The following LARS1 variants were observed in gnomAD, a reference collection of about 807,000 sequenced individuals.
LARS1 encodes the protein leucyl-tRNA synthetase 1.
LARS1 carries 100 observed loss-of-function variants against 162.8 expected under a neutral mutation model. The observed-to-expected ratio is 0.61, with a 90% CI of 0.52 to 0.73. The LOEUF (loss-of-function observed/expected upper bound fraction) is 0.73. Among genes scored for constraint, LARS1 ranks in the 30% least tolerant of loss-of-function variants. The pLI, the probability that LARS1 is intolerant of heterozygous loss-of-function variation, is 0.00. For synonymous variants in LARS1, 457 were observed against 462.8 expected, an observed-to-expected ratio of 0.99 and a Z score of 0.16; for missense variants, 1,258 against 1,408.9, an observed-to-expected ratio of 0.89 and a Z score of 1.71.
chr5:146,162,332 G>A (rs1753814049), intron 6 of LARS1, among the ~76,000 whole-genome samples: 1 of 152,212 alleles, frequency 6.6e-6, no homozygotes, highest in Non-Finnish European at 1.5e-5. Flanking sequence ...GTGTTTGCAG[G>A]CATAAAAACA....
intron 2 of LARS1, among the ~76,000 whole-genome samples, chr5:146,174,729 G>C (rs551406933): frequency 6.6e-6 from 1 of 151,168 alleles, no homozygotes; most frequent in African/African-American, 2.4e-5. Context: ...TAGCCTCTCT[G>C]TGCCTCAGTT....
intron 3 of LARS1, among the ~76,000 whole-genome samples, chr5:146,172,214 T>C: frequency 6.6e-6 from 1 of 152,116 alleles, no homozygotes; most frequent in Non-Finnish European, 1.5e-5. Flanking sequence ...AAATTAAATA[T>C]AAAAATTAAA....
At chr5:146,169,241 C>G (rs769099358) in intron 4 of LARS1, among the ~76,000 whole-genome samples, 1 of 152,156 alleles carries the variant, frequency 6.6e-6, no homozygotes, top group Non-Finnish European at 1.5e-5. Flanking sequence ...CAAGGTCATA[C>G]AGCTAGCAAA....
chr5:146,129,044 A>G lies in LARS1; in HGVS notation c.2703T>C (p.Tyr901=). 6.2e-7 allele frequency: 1 copy of G among 1,611,578 alleles called. No individual in the cohort carries two copies. The highest frequency in any genetic ancestry group is 8.5e-7 in the Non-Finnish European group (1 of 1,178,118). The stretch of plus-strand genomic sequence containing the variant: ...TAAGGTCATGTGTTACTTCCATAAG[A>G]TACTGTGAGGAGTGTATTAAAACTT... ...VNEVLIHSSQ[Y]LMEVTHDLRL... The change falls in exon 26 of 32, where the codon TAT becomes TAC. Residue 901 remains tyrosine (Y), a synonymous_variant. Transcript: ENST00000394434.
At position 146,157,779 on chromosome 5, in the gene LARS1, T is replaced by A. The variant is rs537516620; in HGVS notation, c.788A>T (p.Glu263Val). Residue 263 changes from glutamate (E) to valine (V), a missense_variant, in exon 9 of 32, where the codon GAA becomes GTA. By Grantham distance (121) the Glu-to-Val change is moderately radical. Coordinates refer to ENST00000394434, the MANE Select transcript of LARS1 (RefSeq NM_020117.11). ...CACCTTCAATTTGAGTAAAGTATAT[T>A]CCTGAGGTCCAACACCCTAAGCAAA... The part of the protein sequence containing the change: ...RQTGEGVGPQ[E>V]YTLLKLKVLE... 5.0e-6 allele frequency: 8 copies of A among 1,614,058 alleles called. No homozygotes were observed. The African/African-American group carries it at 9.3e-5, about 19-fold the overall frequency.
At chr5:146,150,009 C>T (rs2292172) in intron 14 of LARS1, among the ~76,000 whole-genome samples, 33,840 of 152,036 alleles carry the variant, frequency 0.22, 4,822 homozygotes, top group Admixed American at 0.34. Context: ...ACTTCAATTA[C>T]ACTCACTCAC....
At chr5:146,130,923 G>T in intron 24 of LARS1, 96 bp downstream of exon 24, 1 of 584,100 alleles carries the variant, frequency 1.7e-6, no homozygotes. Flanking sequence ...TACACTTTAG[G>T]CGAGTAATTG....
chr5:146,173,839 GC>G (rs1383231835), intron 2 of LARS1, among the ~76,000 whole-genome samples: 1 of 151,638 alleles, frequency 6.6e-6, no homozygotes, highest in Non-Finnish European at 1.5e-5. Flanking sequence ...TGCACACTTG[GC>G]AGCACCCTTA....
intron 4 of LARS1, 33 bp downstream of exon 4, chr5:146,171,877 A>G (rs1273636816): frequency 3.3e-6 from 5 of 1,528,378 alleles, no homozygotes; most frequent in African/African-American, 1.4e-5. Context: ...TCCAACTAAA[A>G]AGAGTAGAAA....
intron 23 of LARS1, chr5:146,132,438 T>C (rs1752327210): frequency 6.5e-6 from 1 of 153,428 alleles, no homozygotes; most frequent in Non-Finnish European, 1.4e-5. Flanking sequence ...ATCTTTATAA[T>C]ACCAGTGCGT....
At position 146,144,691 on chromosome 5, in the gene LARS1, T is replaced by C. The variant is rs1214417428; in HGVS notation, c.1522A>G (p.Met508Val). 4 of 1,613,826 alleles carry C rather than the reference T, an allele frequency of 2.5e-6. No individual in the cohort carries two copies. Among genetic ancestry groups the C allele is most frequent in the African/African-American group, 1.3e-5 (1 of 74,934 alleles). Residue 508 changes from methionine to valine, a missense_variant, in exon 16 of 32, where the codon ATG becomes GTG. Physicochemically the swap from Met to Val is conservative, Grantham distance 21 (BLOSUM62 1). Coordinates refer to ENST00000394434, the MANE Select transcript of LARS1 (RefSeq NM_020117.11). ...GACATCACTTGTTTCTCTGGTTCCA[T>C]GTAAATAAGTGCATCTCCCTAAAGG... The part of the protein sequence containing the change: ...MIDAGDALIY[M>V]EPEKQVMSRS...
chr5:146,129,766 T>G (rs1215065660), intron 25 of LARS1, among the ~76,000 whole-genome samples: 3 of 152,198 alleles, frequency 2.0e-5, no homozygotes, highest in Non-Finnish European at 4.4e-5. Context: ...TAACAATTGT[T>G]TATATCTTTC....
intron 14 of LARS1, 42 bp from the exon 15 acceptor site, chr5:146,149,741 T>TA: frequency 7.1e-7 from 1 of 1,405,686 alleles, no homozygotes; most frequent in South Asian, 1.2e-5. Context: ...ATAAAACAGT[T>TA]AGAATCTGCC....
At chr5:146,125,471 A>T (rs1022911758) in intron 28 of LARS1, among the ~76,000 whole-genome samples, 4 of 152,040 alleles carry the variant, frequency 2.6e-5, no homozygotes, top group African/African-American at 9.7e-5. Context: ...GTAGGCTGGA[A>T]GATACTAATT....
intron 4 of LARS1, among the ~76,000 whole-genome samples, chr5:146,169,234 G>C (rs1754152573): frequency 6.6e-6 from 1 of 152,090 alleles, no homozygotes; most frequent in Non-Finnish European, 1.5e-5. Flanking sequence ...ATTTACCCAA[G>C]GTCATACAGC....
rs184825348 is a variant in LARS1 at position 146,143,162 on chromosome 5, A to G, written c.1878-78T>C. ...TGGAAGAATCAGTACCTGAATCGAAACATGGATTAGGAATCTCTTTCTTAA... is the reference window on the plus strand; with the variant it reads ...TGGAAGAATCAGTACCTGAATCGAAGCATGGATTAGGAATCTCTTTCTTAA... On this transcript the variant is annotated intron_variant, in intron 19 of 31. Coordinates refer to ENST00000394434, the MANE Select transcript of LARS1 (RefSeq NM_020117.11). 3.8e-5 allele frequency: 33 copies of G among 872,342 alleles called. No individual in the cohort carries two copies. In the East Asian group the frequency reaches 8.9e-4, roughly 24 times the overall value. The allele number at this position is 872,342 out of a possible 1,614,324, so 54.0% of individuals were successfully genotyped here.
intron 1 of LARS1, 40 bp downstream of exon 1, chr5:146,182,448 G>T: frequency 6.2e-7 from 1 of 1,613,694 alleles, no homozygotes; most frequent in African/African-American, 1.3e-5. Context: ...TGGCCAGTCC[G>T]GCTCCAGGGC....
chr5:146,165,390 G>T (rs759985943), intron 5 of LARS1, among the ~76,000 whole-genome samples: 16 of 151,766 alleles, frequency 1.1e-4, no homozygotes, highest in Non-Finnish European at 2.1e-4. Flanking sequence ...AATTAGCTGG[G>T]CGTGGTGGCA....
intron 10 of LARS1, 53 bp from the exon 11 acceptor site, chr5:146,154,033 A>T: frequency 1.6e-6 from 2 of 1,258,520 alleles, no homozygotes; most frequent in South Asian, 2.7e-5. Flanking sequence ...TGTGACCATT[A>T]GAATTAAAAC....
Sources: allele counts gnomAD v4.1 joint callset (sites outside exome capture counted in the v4.1 genomes callset), GRCh38; gene constraint gnomAD v4.1.1; transcripts MANE v1.5; gene names NCBI Gene and HGNC (gene_info 2026-07-23, HGNC 2026-07-21).